PCDHGA2: variants seen among roughly 807,000 people sequenced by gnomAD.
The protein encoded by PCDHGA2 is protocadherin gamma-A2.
A neutral mutation model predicts 59.2 loss-of-function variants in PCDHGA2; 40 were observed. The ratio of observed to expected loss-of-function variants is 0.68; its 90% CI spans 0.52 to 0.88. PCDHGA2 has a LOEUF of 0.88. Ranked by LOEUF, PCDHGA2 falls within the 40% of genes least tolerant of loss-of-function variation. The probability of loss-of-function intolerance (pLI) is 0.00; values close to 1 mark genes in which losing one functional copy is unlikely to be tolerated. For missense variants in PCDHGA2, 1,226 were observed against 1,204.0 expected (o/e 1.02, Z -0.27); for synonymous variants, 560 against 526.0 (o/e 1.06, Z -0.89).
In PCDHGA2 at chr5:141,485,770, T is replaced by A. The variant is rs1199757869; in HGVS notation, c.2425-9037T>A. The A allele has an allele frequency of 6.2e-7, 1 of 1,614,180 alleles. No homozygotes were observed. The highest frequency in any genetic ancestry group is 1.1e-5 in the South Asian group (1 of 91,080). On this transcript the variant is annotated intron_variant, in intron 1 of 3. Transcript: ENST00000394576. This position sits in a 1 kb window ranked among gnomAD's most constrained non-coding sequence, Gnocchi z 5.7. ...TCCCAGAGCTGCTCCTGGAGAAGCC[T>A]TTGGATCGAGAGAAGCAATCGGACT... is the stretch of plus-strand genomic sequence containing the variant.
In PCDHGA2 at chr5:141,498,823, C is replaced by A. The variant is rs540865523; in HGVS notation, c.2483+3958C>A. ...TGGTGCACACCTGTAGTCCCAGCTA[C>A]TCAGGAGGCTGAGGCAGGGGAATCG... On this transcript the variant is annotated intron_variant, in intron 2 of 3. Coordinates refer to ENST00000394576, the MANE Select transcript of PCDHGA2 (RefSeq NM_018915.4). Among the ~76,000 whole-genome samples the A allele has an allele frequency of 9.2e-5, 14 of 152,166 alleles. No homozygotes were observed. The East Asian group carries it at 1.5e-3, about 17-fold the overall frequency.
intron 1 of PCDHGA2, chr5:141,418,046 G>A (rs757311166): frequency 1.9e-6 from 3 of 1,613,888 alleles, no homozygotes; most frequent in Admixed American, 3.3e-5. Flanking sequence ...GGATGTGTCG[G>A]CTCGCGAGCT....
intron 1 of PCDHGA2, among the ~76,000 whole-genome samples, chr5:141,458,215 T>C (rs2098940075): frequency 1.3e-5 from 2 of 152,174 alleles, no homozygotes; most frequent in African/African-American, 2.4e-5. Context: ...TTAAAATAAG[T>C]TTCCTTTCCC....
At chr5:141,469,700 T>TA (rs1483261429) in intron 1 of PCDHGA2, among the ~76,000 whole-genome samples, 1 of 152,272 alleles carries the variant, frequency 6.6e-6, no homozygotes, top group African/African-American at 2.4e-5. Context: ...TATGACCTAG[T>TA]AATCACACTA....
chr5:141,392,976 G>T (rs892304367), intron 1 of PCDHGA2: 1 of 1,613,866 alleles, frequency 6.2e-7, no homozygotes, highest in South Asian at 1.1e-5. Flanking sequence ...CCTGGGGCTG[G>T]ACCCCCGGAA....
At chr5:141,408,317 G>A in intron 1 of PCDHGA2, 1 of 1,613,892 alleles carries the variant, frequency 6.2e-7, no homozygotes, top group Non-Finnish European at 8.5e-7. Context: ...CTCGATTCCG[G>A]AGGAGCTGGC....
chr5:141,444,265 A>G (rs1355824197), intron 1 of PCDHGA2, among the ~76,000 whole-genome samples: 3 of 133,712 alleles, frequency 2.2e-5, no homozygotes, highest in Non-Finnish European at 3.1e-5. Flanking sequence ...TCCGCCTCCC[A>G]GGTTCAAGTG....
Position 141,341,058 on chromosome 5 carries a change from C to T in PCDHGA2, c.2087C>T (p.Ala696Val), listed in dbSNP as rs763969101. 1.1e-5 allele frequency: 18 copies of T among 1,614,062 alleles called. No individual in the cohort carries two copies. The highest frequency in any genetic ancestry group is 2.7e-5 in the African/African-American group (2 of 74,928). The change falls in exon 1 of 4, where the codon GCG becomes GTG. Residue 696 changes from alanine (A) to valine (V), a missense_variant. Physicochemically the swap from Ala to Val is moderately conservative, Grantham distance 64. Coordinates refer to ENST00000394576, the MANE Select transcript of PCDHGA2 (RefSeq NM_018915.4). Reference protein sequence around the residue: ...DSDLTLYLVVAVAAVSCVFLA... With the variant: ...DSDLTLYLVVVVAAVSCVFLA... Reference sequence around the variant, plus strand: ...GACCTCACTCTGTACCTGGTGGTGGCGGTGGCCGCGGTCTCCTGCGTCTTC... The same window carrying T: ...GACCTCACTCTGTACCTGGTGGTGGTGGTGGCCGCGGTCTCCTGCGTCTTC...
At position 141,338,910 on chromosome 5, in the gene PCDHGA2, A is replaced by G; in HGVS notation, c.-62A>G. 6.7e-7 allele frequency: 1 copy of G among 1,502,618 alleles called. No homozygotes were observed. Among genetic ancestry groups the G allele is most frequent in the East Asian group, 2.3e-5 (1 of 43,350 alleles). The allele number at this position is 1,502,618 out of a possible 1,614,324, so 93.1% of individuals were successfully genotyped here. Reference sequence around the variant, plus strand: ...CTGGTTATCTCACACCCTGAGGAATAAAGATTGGAATCCGCACTGGATGCT... The same window carrying G: ...CTGGTTATCTCACACCCTGAGGAATGAAGATTGGAATCCGCACTGGATGCT... On this transcript the variant is annotated 5_prime_UTR_variant, in exon 1 of 4. It adds an upstream start codon to the 5' untranslated region. Transcript: ENST00000394576.
chr5:141,461,216 T>C (rs1050704259), intron 1 of PCDHGA2, among the ~76,000 whole-genome samples: 2 of 152,168 alleles, frequency 1.3e-5, no homozygotes, highest in African/African-American at 4.8e-5. Flanking sequence ...ATCTCCATAC[T>C]GTTTTCCATA....
At chr5:141,375,915 C>A in intron 1 of PCDHGA2, 2 of 1,613,746 alleles carry the variant, frequency 1.2e-6, no homozygotes, top group South Asian at 2.2e-5. Flanking sequence ...CTGCTCAAGG[C>A]CAGCGAGCCA....
At chr5:141,465,767 T>A (rs1427458413) in intron 1 of PCDHGA2, among the ~76,000 whole-genome samples, 1 of 152,016 alleles carries the variant, frequency 6.6e-6, no homozygotes, top group Non-Finnish European at 1.5e-5. Context: ...TCATGTTTCA[T>A]CTCTTGTTAC....
At position 141,432,307 on chromosome 5, in the gene PCDHGA2, G is replaced by A. The variant is rs2097484688; in HGVS notation, c.2425-62500G>A. On this transcript the variant is annotated intron_variant, in intron 1 of 3. Transcript: ENST00000394576. The surrounding 1 kb of genome is among the most constrained non-coding windows in gnomAD (Gnocchi z 6.0). ...ACTCCGACACTGGGGTACTGTATGC[G>A]CTGAGCTCCTTCGACTACGAGCAGT... The A allele has an allele frequency of 5.0e-6, 8 of 1,614,240 alleles. No individual in the cohort carries two copies. Among genetic ancestry groups the A allele is most frequent in the South Asian group, 1.1e-5 (1 of 91,086 alleles).
At chr5:141,389,413 G>A in intron 1 of PCDHGA2, 1 of 1,613,608 alleles carries the variant, frequency 6.2e-7, no homozygotes, top group South Asian at 1.1e-5. Flanking sequence ...GCGGAGAGCG[G>A]GGTGGTGTTC....
intron 1 of PCDHGA2, chr5:141,417,532 TA>T (rs1457524771): frequency 6.7e-5 from 19 of 284,780 alleles, no homozygotes; most frequent in South Asian, 1.5e-4. Context: ...ACTCGTAGTT[TA>T]AAAAAAATTC....
At chr5:141,497,745 G>C (rs1475395529) in intron 2 of PCDHGA2, among the ~76,000 whole-genome samples, 1 of 152,070 alleles carries the variant, frequency 6.6e-6, no homozygotes, top group Non-Finnish European at 1.5e-5. Flanking sequence ...CGCCACGTTG[G>C]CCAGGCTGGT....
At chr5:141,467,008 AT>A (rs1165146249) in intron 1 of PCDHGA2, among the ~76,000 whole-genome samples, 2 of 150,270 alleles carry the variant, frequency 1.3e-5, no homozygotes, top group Non-Finnish European at 3.0e-5. Context: ...TTGCAATGCA[AT>A]TTTTTTCCCT....
At chr5:141,445,732 A>G (rs2098475548) in intron 1 of PCDHGA2, among the ~76,000 whole-genome samples, 1 of 152,230 alleles carries the variant, frequency 6.6e-6, no homozygotes, top group African/African-American at 2.4e-5. Context: ...ATGTGTAAAG[A>G]TCTTTTTAAA....
At chr5:141,405,316 T>C (rs752153213) in intron 1 of PCDHGA2, 5 of 1,614,232 alleles carry the variant, frequency 3.1e-6, no homozygotes, top group Non-Finnish European at 4.2e-6. Context: ...GTGAGAAAAA[T>C]GAGCCTTTGT....
Sources: gnomAD v4.1 joint callset for allele counts (sites outside exome capture counted in the v4.1 genomes callset) on GRCh38, gnomAD v4.1.1 for gene constraint, Gnocchi (gnomAD v3.1) non-coding constraint, MANE v1.5 for transcripts, NCBI Gene and HGNC (gene_info 2026-07-23, HGNC 2026-07-21) for gene names.